The following FBXL17 variants were observed in gnomAD, a reference collection of about 807,000 sequenced individuals.
FBXL17 encodes the protein F-box and leucine rich repeat protein 17.
Under a neutral mutation model 66.2 loss-of-function variants are expected in FBXL17, and 22 were observed. The ratio of observed to expected loss-of-function variants is 0.33; its 90% CI spans 0.24 to 0.47. The LOEUF is 0.47. FBXL17 is among the 20% of genes least tolerant of loss of function. FBXL17 has a pLI of 1.00. For missense variants in FBXL17, 878 were observed against 948.2 expected, an observed-to-expected ratio of 0.93 and a Z score of 0.97; for synonymous variants, 474 against 400.5, an observed-to-expected ratio of 1.18 and a Z score of -2.19.
At chr5:108,036,927 T>C (rs1251185054) in intron 6 of FBXL17, among the ~76,000 whole-genome samples, 4 of 152,116 alleles carry the variant, frequency 2.6e-5, no homozygotes, top group Non-Finnish European at 5.9e-5. Flanking sequence ...CTGGTTTGCT[T>C]ATAGTTAGGA....
intron 7 of FBXL17, among the ~76,000 whole-genome samples, chr5:107,983,596 C>A (rs753775395): frequency 3.1e-4 from 47 of 151,936 alleles, no homozygotes; most frequent in Admixed American, 9.8e-4. Flanking sequence ...AACTTCCCTC[C>A]ACAAAACAGA....
At chr5:108,034,761 TAAC>T (rs1746777875) in intron 6 of FBXL17, among the ~76,000 whole-genome samples, 1 of 152,200 alleles carries the variant, frequency 6.6e-6, no homozygotes, top group South Asian at 2.1e-4. Context: ...CACTGAGAAA[TAAC>T]TGCAAAGTTA....
At chr5:108,263,540 T>C (rs6889724) in intron 4 of FBXL17, among the ~76,000 whole-genome samples, 2,372 of 152,284 alleles carry the variant, frequency 0.016, 72 homozygotes, top group African/African-American at 0.053. Flanking sequence ...CCCTAAACTT[T>C]ATTACATTTT....
chr5:108,094,786 A>C (rs970520554), intron 6 of FBXL17, among the ~76,000 whole-genome samples: 3 of 152,024 alleles, frequency 2.0e-5, no homozygotes, highest in Non-Finnish European at 2.9e-5. Flanking sequence ...TATGATTAGG[A>C]ATCTCATGGA....
chr5:107,966,346 G>A (rs1004097514), intron 7 of FBXL17, among the ~76,000 whole-genome samples: 1 of 152,072 alleles, frequency 6.6e-6, no homozygotes, highest in African/African-American at 2.4e-5. Context: ...TCACCCTCTT[G>A]AGACCCTGCA....
chr5:108,296,667 A>G (rs963626030), intron 4 of FBXL17, among the ~76,000 whole-genome samples: 11 of 151,754 alleles, frequency 7.2e-5, no homozygotes, highest in Non-Finnish European at 1.3e-4. Context: ...CACATTTTTA[A>G]TATCTTCGAA....
At chr5:108,145,322 G>A (rs1751513339) in intron 6 of FBXL17, among the ~76,000 whole-genome samples, 1 of 152,070 alleles carries the variant, frequency 6.6e-6, no homozygotes. Flanking sequence ...GAGATCACAT[G>A]GTAACAAGCA....
At chr5:108,026,874 G>A (rs1754845306) in intron 6 of FBXL17, among the ~76,000 whole-genome samples, 1 of 152,162 alleles carries the variant, frequency 6.6e-6, no homozygotes, top group Admixed American at 6.6e-5. Context: ...ATCACAAGAG[G>A]TGGCCTACAA....
At chr5:108,080,608 T>G (rs1748724229) in intron 6 of FBXL17, among the ~76,000 whole-genome samples, 1 of 152,124 alleles carries the variant, frequency 6.6e-6, no homozygotes, top group African/African-American at 2.4e-5. Flanking sequence ...ACAGCTTGAG[T>G]GTATACAGAA....
chr5:108,125,530 A>T (rs1391143723), intron 6 of FBXL17, among the ~76,000 whole-genome samples: 1 of 152,100 alleles, frequency 6.6e-6, no homozygotes, highest in African/African-American at 2.4e-5. Flanking sequence ...CCTAAATGAG[A>T]TATTTAGAAT....
At chr5:108,180,782 G>A (rs931554548) in intron 6 of FBXL17, among the ~76,000 whole-genome samples, 2 of 151,976 alleles carry the variant, frequency 1.3e-5, no homozygotes, top group African/African-American at 4.8e-5. Flanking sequence ...CCGGATGTTA[G>A]ATAATCTTAT....
chr5:108,324,701 T>C (rs545706806), intron 4 of FBXL17, among the ~76,000 whole-genome samples: 3 of 151,696 alleles, frequency 2.0e-5, no homozygotes, highest in South Asian at 2.1e-4. Context: ...TATCAATAGA[T>C]GAATGGATAA....
At chr5:108,277,105 C>T (rs1280103026) in intron 4 of FBXL17, among the ~76,000 whole-genome samples, 1 of 152,098 alleles carries the variant, frequency 6.6e-6, no homozygotes, top group Non-Finnish European at 1.5e-5. Flanking sequence ...CATGACACTG[C>T]TTTACAACTG....
chr5:108,012,186 T>G (rs1471089665), intron 7 of FBXL17, among the ~76,000 whole-genome samples: 1 of 152,204 alleles, frequency 6.6e-6, no homozygotes, highest in East Asian at 1.9e-4. Context: ...GTAATACTAC[T>G]TCTTTCATAA....
intron 7 of FBXL17, among the ~76,000 whole-genome samples, chr5:107,984,759 A>G (rs1752955740): frequency 6.6e-6 from 1 of 152,264 alleles, no homozygotes; most frequent in South Asian, 2.1e-4. Context: ...GATCAGATAT[A>G]CTTAAATATT....
chr5:108,348,593 G>C (rs1026710238), intron 3 of FBXL17, 63 bp from the exon 4 acceptor site: 4 of 1,522,074 alleles, frequency 2.6e-6, no homozygotes, highest in Admixed American at 1.9e-5. Flanking sequence ...TTTCAAGTGA[G>C]ATTTTCATAT....
rs1012511232 is a variant in FBXL17, at chr5:107,859,035, T to G, written c.*2685A>C. 1 of 152,188 alleles carries G rather than the reference T, an allele frequency of 6.6e-6. No individual in the cohort carries two copies. Among genetic ancestry groups the G allele is most frequent in the Admixed American group, 6.5e-5 (1 of 15,274 alleles). 9.4% of individuals were successfully genotyped at this position (152,188 alleles called of 1,614,324 possible). On this transcript the variant is annotated 3_prime_UTR_variant, in exon 9 of 9. Transcript: ENST00000542267. ...CTAAAATAAAACAAAAGACACAGTG[T>G]TTTGTTTCTCTTTTATTGCAACCCA...
intron 7 of FBXL17, among the ~76,000 whole-genome samples, chr5:107,908,646 A>G (rs1231024300): frequency 6.6e-6 from 1 of 152,190 alleles, no homozygotes; most frequent in African/African-American, 2.4e-5. Flanking sequence ...GAAGTGGGCT[A>G]TGAGCAGGGC....
intron 4 of FBXL17, among the ~76,000 whole-genome samples, chr5:108,306,727 CATT>C (rs749045391): frequency 6.6e-6 from 1 of 151,986 alleles, no homozygotes; most frequent in Non-Finnish European, 1.5e-5. Flanking sequence ...ATTTTTCCAT[CATT>C]GTGTCCACAG....
Sources: allele counts gnomAD v4.1 joint callset (sites outside exome capture counted in the v4.1 genomes callset), GRCh38; gene constraint gnomAD v4.1.1; transcripts MANE v1.5; gene names NCBI Gene and HGNC (gene_info 2026-07-23, HGNC 2026-07-21).